BMP1: variants seen among roughly 807,000 people sequenced by gnomAD.
BMP1 encodes the protein bone morphogenetic protein 1, also known as mammalian tolloid protein.
BMP1 carries 63 observed loss-of-function variants against 116.8 expected under a neutral mutation model. The observed-to-expected ratio is 0.54, with a 90% CI of 0.44 to 0.67. BMP1 has a LOEUF of 0.67. BMP1 is among the 30% of genes least tolerant of loss of function. BMP1 has a pLI of 0.00. For missense variants in BMP1, 1,183 were observed against 1,358.9 expected (o/e 0.87, Z 2.04); for synonymous variants, 536 against 533.4 (o/e 1.00, Z -0.07).
intron 9 of BMP1, among the ~76,000 whole-genome samples, 194 bp from the exon 10 acceptor site, chr8:22,193,864 G>T (rs1346179393): frequency 6.6e-6 from 1 of 152,180 alleles, no homozygotes; most frequent in East Asian, 1.9e-4. Flanking sequence ...TCCCTCAAGT[G>T]GTCTCTGGCT....
intron 18 of BMP1, among the ~76,000 whole-genome samples, chr8:22,207,936 T>G (rs1314359632): frequency 6.6e-6 from 1 of 152,150 alleles, no homozygotes; most frequent in African/African-American, 2.4e-5. Flanking sequence ...CAGGCTGGAG[T>G]GCAGTGGTTC....
chr8:22,209,830 G>T lies in BMP1; in HGVS notation c.2826+135G>T, dbSNP rs540524514. The stretch of plus-strand genomic sequence containing the variant: ...TTGAGTGCAGCACGCGTGTGGCCCT[G>T]TGTGGGAGCCCAGAAGCCCAGCCTT... On this transcript the variant is annotated intron_variant, in intron 19 of 19. Coordinates refer to ENST00000306385, the MANE Select transcript of BMP1 (RefSeq NM_006129.5). 9 of 982,164 alleles carry T rather than the reference G, an allele frequency of 9.2e-6. No individual in the cohort carries two copies. The African/African-American group carries it at 1.5e-4, about 16-fold the overall frequency. The allele number at this position is 982,164 out of a possible 1,614,324, so 60.8% of individuals were successfully genotyped here.
intron 8 of BMP1, among the ~76,000 whole-genome samples, chr8:22,186,749 C>T (rs1486875445): frequency 6.6e-6 from 1 of 152,128 alleles, no homozygotes; most frequent in Non-Finnish European, 1.5e-5. Context: ...CAGGCGTGAG[C>T]CCCCATGCCT....
At chr8:22,167,016 T>C (rs1021335969) in intron 1 of BMP1, among the ~76,000 whole-genome samples, 2 of 152,188 alleles carry the variant, frequency 1.3e-5, no homozygotes, top group African/African-American at 4.8e-5. Flanking sequence ...TCATGCATCT[T>C]CCCATAGAGT....
rs375996177 is a variant in BMP1 at position 22,179,677 on chromosome 8, C to T, written c.837-28C>T. On this transcript the variant is annotated intron_variant, in intron 6 of 19. Transcript: ENST00000306385. This position sits in a 1 kb window ranked among gnomAD's most constrained non-coding sequence, Gnocchi z 4.6. ...CCCTGCCCACTGTCCATGAGACGCT[C>T]ACCCTTACTTTTCTCCCTCTTCTTC... is the stretch of plus-strand genomic sequence containing the variant. 5.6e-6 allele frequency: 9 copies of T among 1,612,882 alleles called. No homozygotes were observed. Among genetic ancestry groups the T allele is most frequent in the Middle Eastern group, 1.6e-4 (1 of 6,076 alleles).
At chr8:22,165,882 C>CGTGTGTGGGTGTGTGTGT (rs1828086136) in intron 1 of BMP1, among the ~76,000 whole-genome samples, 1 of 131,314 alleles carries the variant, frequency 7.6e-6, no homozygotes, top group Admixed American at 7.7e-5. Context: ...CCTGTGCGTG[C>CGTGTGTGGGTGTGTGTGT]GTGTGTGTGT....
chr8:22,177,153 C>A lies in BMP1; in HGVS notation c.730+14C>A. 1 of 1,585,486 alleles carries A rather than the reference C, an allele frequency of 6.3e-7. No individual in the cohort carries two copies. The highest frequency in any genetic ancestry group is 8.6e-7 in the Non-Finnish European group (1 of 1,162,868). ...ACATCCAGCCAGGTAGGTACCTGCC[C>A]CTCGGTGCGGCCTTGGTGGGCGGCT... is the stretch of plus-strand genomic sequence containing the variant. On this transcript the variant is annotated intron_variant, in intron 5 of 19. Transcript: ENST00000306385.
chr8:22,205,919 AGG>A (rs1465009784), intron 16 of BMP1, among the ~76,000 whole-genome samples: 1 of 152,192 alleles, frequency 6.6e-6, no homozygotes, highest in Non-Finnish European at 1.5e-5. Context: ...AAAGCCCTCA[AGG>A]AACCGAGAGG....
In BMP1 at chr8:22,210,370, T is replaced by C. The variant is rs73670383; in HGVS notation, c.2826+675T>C. ...GAGCTTGCAGCTGCCTCTTCTTCTT[T>C]TTTTTTTTTTTTTTTTGTCCTTTCC... is the stretch of plus-strand genomic sequence containing the variant. On this transcript the variant is annotated intron_variant, in intron 19 of 19. Coordinates refer to ENST00000306385, the MANE Select transcript of BMP1 (RefSeq NM_006129.5). Among the ~76,000 whole-genome samples, 19 of 69,602 alleles carry C rather than the reference T, an allele frequency of 2.7e-4. No homozygotes were observed. In the South Asian group the frequency reaches 3.4e-3, roughly 13 times the overall value. 45.7% of individuals were successfully genotyped at this position (69,602 alleles called of 152,430 possible).
In BMP1 at chr8:22,202,299, G is replaced by T. The variant is rs115333109; in HGVS notation, c.2233+371G>T. Among the ~76,000 whole-genome samples the T allele has an allele frequency of 5.1e-3, 776 of 152,372 alleles. 10 individuals are homozygous for T. The highest frequency in any genetic ancestry group is 0.018 in the African/African-American group (742 of 41,596). On this transcript the variant is annotated intron_variant, in intron 16 of 19. Coordinates refer to ENST00000306385, the MANE Select transcript of BMP1 (RefSeq NM_006129.5). ...GAGCCAGGTGGCCTGGCCCAGCCCT[G>T]CCGCTTCACTAGCTGTGTGCCTTTG...
chr8:22,209,318 C>T (rs1336747068), intron 18 of BMP1, 127 bp from the exon 19 acceptor site: 16 of 1,462,712 alleles, frequency 1.1e-5, no homozygotes, highest in Non-Finnish European at 1.5e-5. Context: ...CCCCACCCAC[C>T]CATCACTGGC....
chr8:22,174,346 T>C (rs1828368634), intron 2 of BMP1, among the ~76,000 whole-genome samples: 1 of 152,194 alleles, frequency 6.6e-6, no homozygotes, highest in Admixed American at 6.5e-5. Context: ...AAGGATTTGC[T>C]CCTATGTCTC....
In BMP1 at chr8:22,179,441, G is replaced by A. The variant is rs1054688709; in HGVS notation, c.837-264G>A. On this transcript the variant is annotated intron_variant, in intron 6 of 19. Transcript: ENST00000306385. This position sits in a 1 kb window ranked among gnomAD's most constrained non-coding sequence, Gnocchi z 4.6. ...AGCTGGGAGCACCAGTGGGTCCAAG[G>A]GCACCCTGGACCTGCATCCCTGACC... Among the ~76,000 whole-genome samples the A allele has an allele frequency of 2.0e-5, 3 of 152,178 alleles. No homozygotes were observed. Among genetic ancestry groups the A allele is most frequent in the African/African-American group, 4.8e-5 (2 of 41,436 alleles).
At chr8:22,188,330 G>A (rs751710524) in intron 8 of BMP1, among the ~76,000 whole-genome samples, 16 of 152,000 alleles carry the variant, frequency 1.1e-4, no homozygotes, top group Non-Finnish European at 1.8e-4. Flanking sequence ...CATCATGCCC[G>A]GCAAATTTTT....
intron 16 of BMP1, among the ~76,000 whole-genome samples, chr8:22,202,761 C>A (rs1403646987): frequency 6.6e-6 from 1 of 152,184 alleles, no homozygotes; most frequent in Non-Finnish European, 1.5e-5. Context: ...GTAATCCCAG[C>A]ACTTTGGGAG....
intron 1 of BMP1, among the ~76,000 whole-genome samples, chr8:22,167,251 G>T (rs756599706): frequency 6.6e-6 from 1 of 152,090 alleles, no homozygotes; most frequent in Non-Finnish European, 1.5e-5. Flanking sequence ...TGTTGTGGGA[G>T]GTACTGAGAC....
chr8:22,177,099 G>A lies in BMP1; in HGVS notation c.690G>A (p.Arg230=). ...GFWHEHTRPD[R]DRHVSIVREN... ...GGCACGAACACACTCGGCCAGACCG[G>A]GACCGCCACGTTTCCATCGTTCGTG... Residue 230 remains arginine (R), a synonymous_variant, in exon 5 of 20, where the codon CGG becomes CGA. Coordinates refer to ENST00000306385, the MANE Select transcript of BMP1 (RefSeq NM_006129.5). 6.2e-7 allele frequency: 1 copy of A among 1,611,412 alleles called. No individual in the cohort carries two copies. Among genetic ancestry groups the A allele is most frequent in the Non-Finnish European group, 8.5e-7 (1 of 1,178,694 alleles).
intron 6 of BMP1, among the ~76,000 whole-genome samples, chr8:22,178,179 G>A (rs1380776846): frequency 6.6e-6 from 1 of 152,240 alleles, no homozygotes; most frequent in Non-Finnish European, 1.5e-5. Flanking sequence ...TGTGCACCCA[G>A]GGCACCTGGC....
intron 18 of BMP1, among the ~76,000 whole-genome samples, chr8:22,208,064 A>C (rs989624482): frequency 6.0e-5 from 9 of 149,854 alleles, no homozygotes; most frequent in Non-Finnish European, 1.2e-4. Context: ...TTGTATTTTT[A>C]GTAGAGACAG....
Sources: allele counts gnomAD v4.1 joint callset (sites outside exome capture counted in the v4.1 genomes callset), GRCh38; gene constraint gnomAD v4.1.1; non-coding constraint Gnocchi (gnomAD v3.1); transcripts MANE v1.5; gene names NCBI Gene and HGNC (gene_info 2026-07-23, HGNC 2026-07-21).